The following THADA variants were observed in gnomAD, a reference collection of about 807,000 sequenced individuals.
The protein encoded by THADA is tRNA (32-2'-O)-methyltransferase regulator THADA.
THADA carries 213 observed loss-of-function variants against 219.8 expected under a neutral mutation model. That is an observed-to-expected ratio of 0.97 (90% CI 0.87 to 1.09). THADA has a LOEUF of 1.09. Among genes scored for constraint, THADA ranks in the 50% least tolerant of loss-of-function variants. THADA has a pLI of 0.00. For missense variants in THADA, 2,956 were observed against 2,311.3 expected (o/e 1.28, Z -5.72); for synonymous variants, 1,018 against 828.9 (o/e 1.23, Z -3.92).
intron 23 of THADA, among the ~76,000 whole-genome samples, chr2:43,506,738 T>A (rs376885999): frequency 6.6e-6 from 1 of 152,212 alleles, no homozygotes; most frequent in African/African-American, 2.4e-5. Context: ...TACATCTCAA[T>A]AAAGCTGTTA....
At chr2:43,579,024 G>A (rs138129182) in intron 8 of THADA, among the ~76,000 whole-genome samples, 201 of 152,250 alleles carry the variant, frequency 1.3e-3, no homozygotes, top group African/African-American at 4.7e-3. Context: ...TAGAGATGGG[G>A]TTTCACCACG....
chr2:43,255,253 T>TG (rs1670187999), intron 36 of THADA, among the ~76,000 whole-genome samples: 1 of 152,222 alleles, frequency 6.6e-6, no homozygotes, highest in Admixed American at 6.5e-5. Context: ...CATATAAATA[T>TG]CCTACTCTTT....
chr2:43,319,406 GT>G (rs1678434316), intron 31 of THADA, among the ~76,000 whole-genome samples: 1 of 152,214 alleles, frequency 6.6e-6, no homozygotes. Context: ...ATCCAGGGAT[GT>G]GGACTTGATG....
intron 36 of THADA, among the ~76,000 whole-genome samples, chr2:43,252,478 T>C (rs1669904743): frequency 6.6e-6 from 1 of 152,212 alleles, no homozygotes; most frequent in South Asian, 2.1e-4. Flanking sequence ...TAATGGGGTA[T>C]AACAGAGAGA....
chr2:43,293,713 C>A (rs1432805116), intron 31 of THADA, among the ~76,000 whole-genome samples: 1 of 152,160 alleles, frequency 6.6e-6, no homozygotes, highest in Non-Finnish European at 1.5e-5. Flanking sequence ...TGGCCTAATG[C>A]TACATTTTGA....
intron 26 of THADA, among the ~76,000 whole-genome samples, chr2:43,467,490 A>G (rs1684400458): frequency 6.6e-6 from 1 of 152,198 alleles, no homozygotes; most frequent in South Asian, 2.1e-4. Flanking sequence ...CATCATGAAC[A>G]ATACAATGGA....
chr2:43,230,882 T>C lies in THADA; in HGVS notation c.*66A>G. On this transcript the variant is annotated 3_prime_UTR_variant, in exon 38 of 38. Transcript: ENST00000405975. ...AAAATTTTTGAATTTATGTTCAACA[T>C]GTTTCCTGCAGATTTAGTGGAGGAA... 2.0e-6 allele frequency: 3 copies of C among 1,509,006 alleles called. No individual in the cohort carries two copies. The highest frequency in any genetic ancestry group is 2.7e-6 in the Non-Finnish European group (3 of 1,126,380). 93.5% of individuals were successfully genotyped at this position (1,509,006 alleles called of 1,614,324 possible).
intron 26 of THADA, among the ~76,000 whole-genome samples, chr2:43,474,426 A>T (rs965812079): frequency 2.1e-4 from 32 of 152,202 alleles, no homozygotes; most frequent in Middle Eastern, 3.4e-3. Context: ...TTTGTTTTAG[A>T]GTTACGTTTA....
intron 28 of THADA, among the ~76,000 whole-genome samples, chr2:43,410,960 A>C (rs890799026): frequency 1.3e-5 from 2 of 152,204 alleles, no homozygotes; most frequent in African/African-American, 4.8e-5. Flanking sequence ...CTCCAGCTCC[A>C]TCTCCAAAAC....
intron 22 of THADA, among the ~76,000 whole-genome samples, chr2:43,519,007 T>C (rs1692083147): frequency 6.6e-6 from 1 of 151,826 alleles, no homozygotes; most frequent in South Asian, 2.1e-4. Flanking sequence ...AAAGCATTAT[T>C]CTCCCTCCCA....
chr2:43,373,203 A>C (rs1025081162), intron 29 of THADA, among the ~76,000 whole-genome samples: 3 of 152,226 alleles, frequency 2.0e-5, no homozygotes, highest in African/African-American at 7.2e-5. Flanking sequence ...AGTGTACAAA[A>C]TAATGACAAG....
At chr2:43,323,480 T>C (rs1372259254) in intron 30 of THADA, among the ~76,000 whole-genome samples, 3 of 152,194 alleles carry the variant, frequency 2.0e-5, no homozygotes, top group Admixed American at 2.0e-4. Flanking sequence ...TATAAAAACT[T>C]CATTGATATC....
intron 26 of THADA, among the ~76,000 whole-genome samples, chr2:43,453,171 G>A (rs983100218): frequency 6.6e-6 from 1 of 152,068 alleles, no homozygotes; most frequent in African/African-American, 2.4e-5. Context: ...TGTGATGTCT[G>A]GTATACACAT....
intron 31 of THADA, among the ~76,000 whole-genome samples, chr2:43,299,523 G>A (rs1238375393): frequency 4.6e-5 from 7 of 151,900 alleles, no homozygotes; most frequent in South Asian, 2.1e-4. Flanking sequence ...TTAGCTGGGC[G>A]TGATGGTGGG....
chr2:43,510,868 G>A (rs1024525599), intron 22 of THADA, among the ~76,000 whole-genome samples: 2 of 151,800 alleles, frequency 1.3e-5, no homozygotes, highest in African/African-American at 4.8e-5. Flanking sequence ...CTACTCGGGA[G>A]GCTGAAGCAG....
In THADA at chr2:43,291,454, CAAAAAAAAA is replaced by C. The variant is rs765352765; in HGVS notation, c.5010+233_5010+241del. ...GGGCAACAAGAGCAAAACTCCATCTCAAAAAAAAAAAAAAAAAAAAAAAAAAAATCCTAA... is the reference window on the plus strand; with the variant it reads ...GGGCAACAAGAGCAAAACTCCATCTCAAAAAAAAAAAAAAAAAAATCCTAA... On this transcript the variant is annotated intron_variant, in intron 34 of 37. Coordinates refer to ENST00000405975, the MANE Select transcript of THADA (RefSeq NM_022065.5). 1.7e-3 allele frequency among the ~76,000 whole-genome samples: 14 copies of C among 8,094 alleles called. 1 individual carries two copies. Among genetic ancestry groups the C allele is most frequent in the African/African-American group, 3.2e-3 (7 of 2,202 alleles). 5.3% of individuals were successfully genotyped at this position (8,094 alleles called of 152,430 possible).
At chr2:43,289,863 G>A (rs931621203) in intron 34 of THADA, among the ~76,000 whole-genome samples, 1 of 151,956 alleles carries the variant, frequency 6.6e-6, no homozygotes, top group Non-Finnish European at 1.5e-5. Flanking sequence ...ATGTTGGCCA[G>A]GTTGGTCTCA....
In THADA at chr2:43,443,458, T is replaced by C. The variant is rs558252354; in HGVS notation, c.3837-13156A>G. Among the ~76,000 whole-genome samples, 4 of 152,304 alleles carry C rather than the reference T, an allele frequency of 2.6e-5. No homozygotes were observed. The South Asian group carries it at 8.3e-4, about 32-fold the overall frequency. The stretch of plus-strand genomic sequence containing the variant: ...TGGTTTACAAACAGTTCAATTCTAG[T>C]TCACCGAAACAAGCAAACAGGCTAA... On this transcript the variant is annotated intron_variant, in intron 26 of 37. Transcript: ENST00000405975.
intron 29 of THADA, among the ~76,000 whole-genome samples, chr2:43,389,991 A>T (rs1673157747): frequency 6.6e-6 from 1 of 152,226 alleles, no homozygotes; most frequent in Non-Finnish European, 1.5e-5. Flanking sequence ...TATCCTCCAC[A>T]GTACCTGACA....
Sources: gnomAD v4.1 joint callset for allele counts (sites outside exome capture counted in the v4.1 genomes callset) on GRCh38, gnomAD v4.1.1 for gene constraint, MANE v1.5 for transcripts, NCBI Gene and HGNC (gene_info 2026-07-23, HGNC 2026-07-21) for gene names.